The following ZNF248 variants were observed in gnomAD, a reference collection of about 807,000 sequenced individuals.
ZNF248 encodes the protein zinc finger protein 248, also known as KRAB protein domain.
Under a neutral mutation model 44.3 loss-of-function variants are expected in ZNF248, and 20 were observed. The observed-to-expected ratio is 0.45, with a 90% CI of 0.32 to 0.66. The LOEUF is 0.66. ZNF248 is among the 30% of genes least tolerant of loss of function. The probability of loss-of-function intolerance (pLI) is 0.04; values close to 1 mark genes in which losing one functional copy is unlikely to be tolerated. For synonymous variants in ZNF248, 224 were observed against 229.0 expected (o/e 0.98, Z 0.20); for missense variants, 654 against 677.0 (o/e 0.97, Z 0.38).
In ZNF248 at chr10:37,837,571, G is replaced by C. The variant is rs368139266; in HGVS notation, c.238+46C>G. 21 of 1,517,310 alleles carry C rather than the reference G, an allele frequency of 1.4e-5. No homozygotes were observed. In the African/African-American group the frequency reaches 2.2e-4, roughly 16 times the overall value. The allele number at this position is 1,517,310 out of a possible 1,614,324, so 94.0% of individuals were successfully genotyped here. On this transcript the variant is annotated intron_variant, in intron 5 of 5. Coordinates refer to ENST00000395867, the MANE Select transcript of ZNF248 (RefSeq NM_021045.3). ...GACAAATCCTAAACCAATTACCTAA[G>C]TTCTAATTTCCTCTGGCTTTCATCT...
chr10:37,808,047 T>A (rs1013822301), intron 6 of ZNF248, among the ~76,000 whole-genome samples: 2 of 152,162 alleles, frequency 1.3e-5, no homozygotes, highest in African/African-American at 4.8e-5. Context: ...CACATGTGCA[T>A]AGCTCATTAT....
At chr10:37,763,724 G>A in the ZNF248 span, among the ~76,000 whole-genome samples, 4 of 152,154 alleles carry the variant, frequency 2.6e-5, no homozygotes, top group African/African-American at 9.7e-5. Flanking sequence ...CTGAACAGAG[G>A]GACCGGCTGA....
At chr10:37,766,375 C>T in the ZNF248 span, among the ~76,000 whole-genome samples, 3 of 152,220 alleles carry the variant, frequency 2.0e-5, no homozygotes, top group African/African-American at 7.2e-5. Context: ...GGCAGACTGA[C>T]ACCTCACATG....
At chr10:37,827,157 G>A (rs764673065), downstream of ZNF248, among the ~76,000 whole-genome samples, 30 of 152,160 alleles carry the variant, frequency 2.0e-4, no homozygotes, top group Non-Finnish European at 3.8e-4. Context: ...CTCCAAGTTC[G>A]TTTTCTGTTT....
chr10:37,814,389 A>G (rs944291274), intron 6 of ZNF248, among the ~76,000 whole-genome samples: 1 of 152,224 alleles, frequency 6.6e-6, no homozygotes, highest in Non-Finnish European at 1.5e-5. Flanking sequence ...CTCTTAAATC[A>G]TGTAAAAATC....
intron 6 of ZNF248, among the ~76,000 whole-genome samples, chr10:37,817,674 T>TA (rs1323527612): frequency 6.6e-6 from 1 of 151,984 alleles, no homozygotes; most frequent in African/African-American, 2.4e-5. Context: ...CTTTCAAATA[T>TA]AAAAAAGGGG....
In ZNF248 at chr10:37,831,384, T is replaced by C; in HGVS notation, c.*231A>G. The C allele has an allele frequency of 6.5e-7, 1 of 1,543,008 alleles. No individual in the cohort carries two copies. The highest frequency in any genetic ancestry group is 8.7e-7 in the Non-Finnish European group (1 of 1,143,142). ...AAATTTTGGTATCACGTCTGGAATATAACACTAAACAACATAAATTCCAGA... is the reference window on the plus strand; with the variant it reads ...AAATTTTGGTATCACGTCTGGAATACAACACTAAACAACATAAATTCCAGA... On this transcript the variant is annotated 3_prime_UTR_variant, in exon 6 of 6. Transcript: ENST00000395867.
intron 6 of ZNF248, among the ~76,000 whole-genome samples, chr10:37,814,997 C>A (rs2052198348): frequency 6.6e-6 from 1 of 152,144 alleles, no homozygotes; most frequent in Admixed American, 6.5e-5. Flanking sequence ...CTCTATCTGG[C>A]ACTCCGAACA....
chr10:37,776,453 C>T (rs1588939517), downstream of ZNF248: 2 of 396,724 alleles, frequency 5.0e-6, no homozygotes, highest in East Asian at 7.1e-5. Flanking sequence ...CCTGACTTTG[C>T]TCTGAAGTTG....
chr10:37,802,023 G>A (rs531705606), intron 6 of ZNF248, among the ~76,000 whole-genome samples: 2 of 152,284 alleles, frequency 1.3e-5, no homozygotes, highest in Non-Finnish European at 2.9e-5. Flanking sequence ...GCTCAGCTTC[G>A]ATAATCTGGG....
intron 6 of ZNF248, among the ~76,000 whole-genome samples, chr10:37,822,758 A>C (rs1003529624): frequency 8.4e-4 from 128 of 152,280 alleles, no homozygotes; most frequent in African/African-American, 3.0e-3. Context: ...AGCTAAAAAA[A>C]GTAAAAATAA....
intron 3 of ZNF248, among the ~76,000 whole-genome samples, chr10:37,843,358 G>A (rs1272719085): frequency 6.6e-6 from 1 of 151,238 alleles, no homozygotes; most frequent in East Asian, 1.9e-4. Flanking sequence ...CCGGGAGGCA[G>A]AGGTTGCAGT....
the ZNF248 span, among the ~76,000 whole-genome samples, chr10:37,770,856 T>A: frequency 6.7e-6 from 1 of 150,368 alleles, no homozygotes; most frequent in Admixed American, 6.6e-5. Flanking sequence ...TGGGAGAAAA[T>A]TTTTCAACCT....
chr10:37,778,952 A>G (rs1221081148), intron 6 of ZNF248, among the ~76,000 whole-genome samples: 2 of 152,194 alleles, frequency 1.3e-5, no homozygotes, highest in Non-Finnish European at 2.9e-5. Flanking sequence ...CACTCTCCCA[A>G]GACTAAACCA....
chr10:37,811,032 T>C (rs1200561004), intron 6 of ZNF248, among the ~76,000 whole-genome samples: 2 of 152,248 alleles, frequency 1.3e-5, no homozygotes, highest in Non-Finnish European at 2.9e-5. Context: ...TCATCATTTT[T>C]AGTGCATTTC....
chr10:37,820,680 T>G, intron 6 of ZNF248: 1 of 1,398,884 alleles, frequency 7.1e-7, no homozygotes. Context: ...TCATTCTGCT[T>G]TTTCTCGGGA....
At chr10:37,763,742 G>A in the ZNF248 span, among the ~76,000 whole-genome samples, 1 of 152,180 alleles carries the variant, frequency 6.6e-6, no homozygotes, top group South Asian at 2.1e-4. Context: ...TGAAGCCATG[G>A]CAGAAGAACA....
At chr10:37,813,057 G>A (rs1343558736) in intron 6 of ZNF248, among the ~76,000 whole-genome samples, 1 of 151,018 alleles carries the variant, frequency 6.6e-6, no homozygotes, top group Non-Finnish European at 1.5e-5. Flanking sequence ...GGAAGCAGGA[G>A]AGTAAAGATT....
chr10:37,814,355 CACAAA>C (rs1219126692), intron 6 of ZNF248, among the ~76,000 whole-genome samples: 13 of 152,242 alleles, frequency 8.5e-5, no homozygotes, highest in African/African-American at 3.1e-4. Context: ...TGTCCAGAGA[CACAAA>C]ACATTTTTAC....
Sources: gnomAD v4.1 joint callset for allele counts (sites outside exome capture counted in the v4.1 genomes callset) on GRCh38, gnomAD v4.1.1 for gene constraint, MANE v1.5 for transcripts, NCBI Gene and HGNC (gene_info 2026-07-23, HGNC 2026-07-21) for gene names.